IL5RA: variants seen among roughly 807,000 people sequenced by gnomAD.
IL5RA encodes the protein interleukin-5 receptor subunit alpha.
Under a neutral mutation model 50.0 loss-of-function variants are expected in IL5RA, and 49 were observed. That is an observed-to-expected ratio of 0.98 (90% CI 0.78 to 1.24). The LOEUF (loss-of-function observed/expected upper bound fraction) is 1.24. Ranked by LOEUF, IL5RA falls within the 50% of genes most tolerant of loss-of-function variation. The probability of loss-of-function intolerance (pLI) is 0.00; values close to 1 mark genes in which losing one functional copy is unlikely to be tolerated. For synonymous variants in IL5RA, 202 were observed against 174.0 expected (o/e 1.16, Z -1.26); for missense variants, 600 against 500.4 (o/e 1.20, Z -1.90).
chr3:3,078,922 T>C (rs1297718621), intron 9 of IL5RA, among the ~76,000 whole-genome samples: 1 of 152,170 alleles, frequency 6.6e-6, no homozygotes, highest in African/African-American at 2.4e-5. Context: ...AGTGACTTCC[T>C]CCTAGTCTAA....
At chr3:3,087,879 T>C (rs1436534497) in intron 9 of IL5RA, among the ~76,000 whole-genome samples, 5 of 152,212 alleles carry the variant, frequency 3.3e-5, no homozygotes, top group African/African-American at 7.2e-5. Context: ...GGACTTCCTA[T>C]TACGTTTATT....
chr3:3,082,270 T>TA (rs528108056), intron 9 of IL5RA, among the ~76,000 whole-genome samples: 6 of 151,298 alleles, frequency 4.0e-5, no homozygotes, highest in African/African-American at 7.3e-5. Flanking sequence ...CCTTGGAGAT[T>TA]AAAAAAAAAG....
rs1325102513 is a variant in IL5RA, at chr3:3,097,861, C to T, written c.709+9G>A. Reference sequence around the variant, plus strand: ...CAGTTATTTCAGCTTTGGGTTAAGTCGGTCTTACCAATGGCGTGAAGGGCA... The same window carrying T: ...CAGTTATTTCAGCTTTGGGTTAAGTTGGTCTTACCAATGGCGTGAAGGGCA... On this transcript the variant is annotated intron_variant, in intron 7 of 11. Transcript: ENST00000446632. The T allele has an allele frequency of 3.1e-6, 5 of 1,605,756 alleles. No homozygotes were observed. The highest frequency in any genetic ancestry group is 2.7e-5 in the African/African-American group (2 of 74,812).
intron 9 of IL5RA, among the ~76,000 whole-genome samples, chr3:3,077,990 A>G (rs908646458): frequency 1.3e-5 from 2 of 152,146 alleles, no homozygotes; most frequent in Admixed American, 6.5e-5. Flanking sequence ...TATGTTTGGA[A>G]CTGTACAAAT....
chr3:3,077,436 G>T (rs1279654574), intron 9 of IL5RA, among the ~76,000 whole-genome samples: 6 of 152,208 alleles, frequency 3.9e-5, no homozygotes, highest in Admixed American at 1.3e-4. Context: ...ATAGCTTTGG[G>T]GTGTGTAATT....
chr3:3,097,843 T>C lies in IL5RA; in HGVS notation c.709+27A>G. ...TGCTGAGATTCCGAGATTCAGTTAT[T>C]TCAGCTTTGGGTTAAGTCGGTCTTA... On this transcript the variant is annotated intron_variant, in intron 7 of 11. Transcript: ENST00000446632. The C allele has an allele frequency of 1.9e-6, 3 of 1,593,922 alleles. No homozygotes were observed. In the South Asian group the frequency reaches 3.3e-5, roughly 18 times the overall value.
At chr3:3,088,292 G>C (rs17879698) in intron 9 of IL5RA, among the ~76,000 whole-genome samples, 2,331 of 152,312 alleles carry the variant, frequency 0.015, 31 homozygotes, top group Admixed American at 0.05. Context: ...AAGCAGGTTT[G>C]TAGTGCAGCA....
intron 9 of IL5RA, chr3:3,089,859 C>G: frequency 5.7e-6 from 1 of 174,540 alleles, no homozygotes; most frequent in East Asian, 1.7e-4. Flanking sequence ...CTGATCTGCC[C>G]ACCTCGGCCT....
At chr3:3,103,481 G>A (rs1703753635) in intron 3 of IL5RA, among the ~76,000 whole-genome samples, 1 of 152,088 alleles carries the variant, frequency 6.6e-6, no homozygotes, top group African/African-American at 2.4e-5. Flanking sequence ...CTACATAAAG[G>A]TAGTTATATA....
chr3:3,092,233 T>C lies in IL5RA; in HGVS notation c.985A>G (p.Ile329Val), dbSNP rs1454766206. Residue 329 changes from isoleucine to valine, a missense_variant, in exon 9 of 12, where the codon ATT (isoleucine) becomes GTT (valine). Physicochemically the swap from Ile to Val is conservative, Grantham distance 29. Coordinates refer to ENST00000446632, the MANE Select transcript of IL5RA (RefSeq NM_175726.4). The surrounding 1 kb of genome is among the most constrained non-coding windows in gnomAD (Gnocchi z 4.2). ...AGLWSEWSQP[I>V]YVGNDEHKPL... is the part of the protein sequence containing the mutation. ...AACATAAGCTACTTACCCACATAAATAGGTTGGCTCCACTCACTCCAGAGC... is the reference window on the plus strand; with the variant it reads ...AACATAAGCTACTTACCCACATAAACAGGTTGGCTCCACTCACTCCAGAGC... 2 of 1,613,148 alleles carry C rather than the reference T, an allele frequency of 1.2e-6. No homozygotes were observed. Among genetic ancestry groups the C allele is most frequent in the East Asian group, 2.2e-5 (1 of 44,870 alleles).
chr3:3,077,045 A>G (rs977011020), intron 9 of IL5RA, among the ~76,000 whole-genome samples: 30 of 152,244 alleles, frequency 2.0e-4, no homozygotes, highest in African/African-American at 6.8e-4. Flanking sequence ...ATCAAAATAC[A>G]AAGTTGGAAA....
At chr3:3,099,391 G>T (rs1338658039) in intron 5 of IL5RA, among the ~76,000 whole-genome samples, 3 of 151,948 alleles carry the variant, frequency 2.0e-5, no homozygotes, top group African/African-American at 7.2e-5. Context: ...CACTTTGGGA[G>T]GCTGAGGCGG....
At chr3:3,102,080 C>G (rs1490631687) in intron 4 of IL5RA, among the ~76,000 whole-genome samples, 1 of 152,168 alleles carries the variant, frequency 6.6e-6, no homozygotes. Flanking sequence ...CCTTTGAGCA[C>G]CATCTCCCCA....
intron 9 of IL5RA, among the ~76,000 whole-genome samples, chr3:3,079,400 G>T (rs1166136582): frequency 1.3e-5 from 2 of 152,128 alleles, no homozygotes; most frequent in Admixed American, 1.3e-4. Flanking sequence ...CAGACCTGAA[G>T]CCTCGAAGTC....
At position 3,068,503 on chromosome 3, in the gene IL5RA, A is replaced by G. The variant is rs980938477; in HGVS notation, c.*1722T>C. ...GGGAGGAGGATGGCTTGAGCCCAGG[A>G]CAGGGAGGTTGTAGTGAGCTAAGAT... On this transcript the variant is annotated 3_prime_UTR_variant, in exon 12 of 12. Transcript: ENST00000446632. The G allele has an allele frequency of 1.3e-5, 2 of 150,366 alleles. No individual in the cohort carries two copies. Among genetic ancestry groups the G allele is most frequent in the African/African-American group, 5.0e-5 (2 of 40,278 alleles). The allele number at this position is 150,366 out of a possible 1,614,324, so 9.3% of individuals were successfully genotyped here. A position where few individuals can be genotyped will look rare whatever the true frequency, so the allele number is the denominator to read the frequency against.
At chr3:3,100,980 CAATAATAATAATAATAATAAT>C (rs35949387) in intron 5 of IL5RA, among the ~76,000 whole-genome samples, 1,488 of 141,718 alleles carry the variant, frequency 0.01, 23 homozygotes, top group Non-Finnish European at 0.015. Context: ...AACCCCATCT[CAATAATAATAATAATAATAAT>C]AATAATAATA....
intron 10 of IL5RA, among the ~76,000 whole-genome samples, chr3:3,075,913 T>G (rs938446938): frequency 6.6e-6 from 1 of 152,162 alleles, no homozygotes; most frequent in Non-Finnish European, 1.5e-5. Context: ...ATAAAACTCA[T>G]TTTCTAAATT....
Position 3,076,458 on chromosome 3 carries a change from G to T in IL5RA, c.1091+73C>A, listed in dbSNP as rs17878995. 207,536 of 932,108 alleles carry T rather than the reference G, an allele frequency of 0.22. 25,594 individuals carry two copies. Among genetic ancestry groups the T allele is most frequent in the Non-Finnish European group, 0.26 (152,667 of 583,078 alleles). 57.7% of individuals were successfully genotyped at this position (932,108 alleles called of 1,614,324 possible). ...TGATAATAAGAACCCTCTGCCTACCGGATGCATGGTAAGCCTGTAAAAATG... is the reference window on the plus strand; with the variant it reads ...TGATAATAAGAACCCTCTGCCTACCTGATGCATGGTAAGCCTGTAAAAATG... On this transcript the variant is annotated intron_variant, in intron 10 of 11. Coordinates refer to ENST00000446632, the MANE Select transcript of IL5RA (RefSeq NM_175726.4).
intron 5 of IL5RA, among the ~76,000 whole-genome samples, chr3:3,100,430 T>C (rs971925121): frequency 1.3e-5 from 2 of 152,164 alleles, no homozygotes; most frequent in African/African-American, 4.8e-5. Context: ...ATTAGGTTGA[T>C]GTAAAAGTAA....
Sources: gnomAD v4.1 joint callset for allele counts (sites outside exome capture counted in the v4.1 genomes callset) on GRCh38, gnomAD v4.1.1 for gene constraint, Gnocchi (gnomAD v3.1) non-coding constraint, MANE v1.5 for transcripts, NCBI Gene and HGNC (gene_info 2026-07-23, HGNC 2026-07-21) for gene names.